ELAVL3: variants seen among roughly 807,000 people sequenced by gnomAD.
ELAVL3 encodes ELAV-like protein 3.
ELAVL3 carries 8 observed loss-of-function variants against 34.2 expected under a neutral mutation model. The observed-to-expected ratio is 0.23, with a 90% CI of 0.14 to 0.42. The LOEUF (loss-of-function observed/expected upper bound fraction) is 0.42, where lower values mean the gene tolerates loss of function less well. Among genes scored for constraint, ELAVL3 ranks in the 10% least tolerant of loss-of-function variants. ELAVL3 has a pLI of 1.00. For missense variants in ELAVL3, 273 were observed against 518.8 expected, an observed-to-expected ratio of 0.53 and a Z score of 4.60; for synonymous variants, 209 against 222.1, an observed-to-expected ratio of 0.94 and a Z score of 0.53.
rs1971054303 is a variant in ELAVL3, at chr19:11,466,459, C to T, written c.229+149G>A. 4 of 1,008,722 alleles carry T rather than the reference C, an allele frequency of 4.0e-6. No individual in the cohort carries two copies. The East Asian group carries it at 9.7e-5, about 25-fold the overall frequency. 62.5% of individuals were successfully genotyped at this position (1,008,722 alleles called of 1,614,324 possible). ...CTGAGACCTTCACCTAGGGGGTATA[C>T]CCATCTCCCCATCAGACCTCACATC... On this transcript the variant is annotated intron_variant, in intron 2 of 6. Coordinates refer to ENST00000359227, the MANE Select transcript of ELAVL3 (RefSeq NM_001420.4). The surrounding 1 kb of genome is among the most constrained non-coding windows in gnomAD (Gnocchi z 5.0).
intron 1 of ELAVL3, among the ~76,000 whole-genome samples, chr19:11,467,160 C>T (rs770048456): frequency 5.3e-5 from 8 of 152,144 alleles, no homozygotes; most frequent in Admixed American, 2.6e-4. Context: ...CAGTGGCTCA[C>T]GCCCCTAATC....
At chr19:11,456,823 C>G (rs1427055125) in intron 6 of ELAVL3, among the ~76,000 whole-genome samples, 9 of 152,096 alleles carry the variant, frequency 5.9e-5, no homozygotes, top group Admixed American at 5.9e-4. Flanking sequence ...ACCACCGTAT[C>G]AGGCTAATCC....
At chr19:11,464,898 ACACCACAAAC>A (rs1568382643) in intron 3 of ELAVL3, among the ~76,000 whole-genome samples, 2 of 123,776 alleles carry the variant, frequency 1.6e-5, no homozygotes, top group East Asian at 2.8e-4. Flanking sequence ...CACACCACAC[ACACCACAAAC>A]ACACACCACA....
chr19:11,454,571 G>C lies in ELAVL3; in HGVS notation c.1059C>G (p.Arg353=). The C allele has an allele frequency of 6.2e-7, 1 of 1,613,922 alleles. No homozygotes were observed. Among genetic ancestry groups the C allele is most frequent in the South Asian group, 1.1e-5 (1 of 91,078 alleles). ...TGGTCTTGAAGGAGACCTGCAGCAC[G>C]CGCTCGCCCAGGCGATAGCCGTTCA... ...ASLNGYRLGE[R]VLQVSFKTSK... Residue 353 remains arginine (R), a synonymous_variant, in exon 7 of 7, where the codon CGC becomes CGG. Transcript: ENST00000359227. The surrounding 1 kb of genome is among the most constrained non-coding windows in gnomAD (Gnocchi z 9.2).
chr19:11,455,830 G>A (rs1423230899), intron 6 of ELAVL3, among the ~76,000 whole-genome samples: 3 of 152,314 alleles, frequency 2.0e-5, no homozygotes, highest in Admixed American at 1.3e-4. Flanking sequence ...CTTGGGAGGT[G>A]TCTGTTGAAT....
rs185363183 is a variant in ELAVL3 at position 11,476,699 on chromosome 19, G to A, written c.9+3901C>T. ...GGATCACCTGAGGTCAGGAGTTCGA[G>A]ACCAGCCTGGCCAACACAGCGAACT... On this transcript the variant is annotated intron_variant, in intron 1 of 6. Coordinates refer to ENST00000359227, the MANE Select transcript of ELAVL3 (RefSeq NM_001420.4). Among the ~76,000 whole-genome samples the A allele has an allele frequency of 2.9e-3, 442 of 152,246 alleles. 3 individuals are homozygous for A. Among genetic ancestry groups the A allele is most frequent in the African/African-American group, 1.0e-2 (414 of 41,554 alleles).
intron 1 of ELAVL3, among the ~76,000 whole-genome samples, chr19:11,475,254 C>T (rs1279433527): frequency 2.0e-5 from 3 of 152,202 alleles, no homozygotes; most frequent in African/African-American, 7.2e-5. Context: ...AACACATTCT[C>T]CATTTTACAG....
chr19:11,475,515 G>A (rs542662508), intron 1 of ELAVL3, among the ~76,000 whole-genome samples: 17 of 152,010 alleles, frequency 1.1e-4, no homozygotes, highest in Middle Eastern at 3.4e-3. Context: ...TGTTGCCCAG[G>A]CTGTTCTCAA....
chr19:11,461,951 G>A (rs935061290), intron 3 of ELAVL3, among the ~76,000 whole-genome samples: 19 of 151,856 alleles, frequency 1.3e-4, no homozygotes, highest in Admixed American at 1.2e-3. Flanking sequence ...TGAGGCAGGC[G>A]GATCACAAGG....
intron 1 of ELAVL3, among the ~76,000 whole-genome samples, chr19:11,479,177 G>A (rs1028848981): frequency 1.3e-5 from 2 of 152,272 alleles, no homozygotes; most frequent in Non-Finnish European, 2.9e-5. Context: ...GAGTTCTGAG[G>A]TCCTCAGGAG....
chr19:11,468,707 T>A (rs1971104991), intron 1 of ELAVL3, among the ~76,000 whole-genome samples: 1 of 152,202 alleles, frequency 6.6e-6, no homozygotes, highest in Admixed American at 6.6e-5. Context: ...ATTACAGGCA[T>A]GAGCCACCAC....
chr19:11,475,756 G>A (rs1457265725), intron 1 of ELAVL3, among the ~76,000 whole-genome samples: 4 of 151,972 alleles, frequency 2.6e-5, no homozygotes, highest in Non-Finnish European at 5.9e-5. Context: ...TGGGACCACA[G>A]GCGCGCACCA....
chr19:11,470,172 T>C (rs1318646433), intron 1 of ELAVL3, among the ~76,000 whole-genome samples: 1 of 151,794 alleles, frequency 6.6e-6, no homozygotes, highest in African/African-American at 2.4e-5. Context: ...CTGGCCAATA[T>C]GGTGAAACCC....
In ELAVL3 at chr19:11,453,244, T is replaced by A. The variant is rs1970694119; in HGVS notation, c.*1282A>T. Reference sequence around the variant, plus strand: ...CGTGACGCCAAGGTGGAACGAGGTATCGTGTGTCTCAATGCATGTGCGCTG... The same window carrying A: ...CGTGACGCCAAGGTGGAACGAGGTAACGTGTGTCTCAATGCATGTGCGCTG... On this transcript the variant is annotated 3_prime_UTR_variant, in exon 7 of 7. Coordinates refer to ENST00000359227, the MANE Select transcript of ELAVL3 (RefSeq NM_001420.4). 1.3e-5 allele frequency: 2 copies of A among 151,440 alleles called. No individual in the cohort carries two copies. The highest frequency in any genetic ancestry group is 2.9e-5 in the Non-Finnish European group (2 of 67,992). 9.4% of individuals were successfully genotyped at this position (151,440 alleles called of 1,614,324 possible).
intron 3 of ELAVL3, among the ~76,000 whole-genome samples, chr19:11,460,437 AT>A (rs1435441722): frequency 6.7e-6 from 1 of 149,536 alleles, no homozygotes; most frequent in African/African-American, 2.5e-5. Context: ...AGAACCCTCT[AT>A]GGCTCCCACC....
intron 3 of ELAVL3, among the ~76,000 whole-genome samples, chr19:11,464,725 T>TA (rs1970981805): frequency 1.2e-4 from 5 of 43,030 alleles, no homozygotes; most frequent in Admixed American, 2.7e-4. Context: ...CACACACACA[T>TA]CACACACACA....
chr19:11,476,664 C>T (rs918467164), intron 1 of ELAVL3, among the ~76,000 whole-genome samples: 3 of 152,018 alleles, frequency 2.0e-5, no homozygotes, highest in African/African-American at 7.2e-5. Flanking sequence ...TTTGGGAGGC[C>T]TAGGCGGGAG....
In ELAVL3 at chr19:11,474,995, A is replaced by AT. The variant is rs1170335313; in HGVS notation, c.9+5604dup. Among the ~76,000 whole-genome samples, 2 of 151,914 alleles carry AT rather than the reference A, an allele frequency of 1.3e-5. 1 individual carries two copies. Among genetic ancestry groups the AT allele is most frequent in the Non-Finnish European group, 2.9e-5 (2 of 67,984 alleles). On this transcript the variant is annotated intron_variant, in intron 1 of 6. Coordinates refer to ENST00000359227, the MANE Select transcript of ELAVL3 (RefSeq NM_001420.4). ...AGGCACCCACCACCACGCCTGGCTA[A>AT]TTTTTTGTATTTTTAGTAGAGATGG... is the stretch of plus-strand genomic sequence containing the variant.
chr19:11,454,318 G>A lies in ELAVL3; in HGVS notation c.*208C>T. The stretch of plus-strand genomic sequence containing the variant: ...GGGGTGGGGGCAGGAGGATGGGGCG[G>A]GGGATCCCCGGGCACCCCCCCAATT... On this transcript the variant is annotated 3_prime_UTR_variant, in exon 7 of 7. Transcript: ENST00000359227. This position sits in a 1 kb window ranked among gnomAD's most constrained non-coding sequence, Gnocchi z 9.2. The A allele has an allele frequency of 1.7e-6, 1 of 573,790 alleles. No individual in the cohort carries two copies. Among genetic ancestry groups the A allele is most frequent in the Middle Eastern group, 4.6e-4 (1 of 2,158 alleles). The allele number at this position is 573,790 out of a possible 1,614,324, so 35.5% of individuals were successfully genotyped here.
Sources: gnomAD v4.1 joint callset for allele counts (sites outside exome capture counted in the v4.1 genomes callset) on GRCh38, gnomAD v4.1.1 for gene constraint, Gnocchi (gnomAD v3.1) non-coding constraint, MANE v1.5 for transcripts, NCBI Gene and HGNC (gene_info 2026-07-23, HGNC 2026-07-21) for gene names.